Variants in RNF139 observed in about 807,000 individuals in gnomAD.
RNF139 encodes E3 ubiquitin-protein ligase RNF139.
RNF139 carries 15 observed loss-of-function variants against 49.5 expected under a neutral mutation model. The observed-to-expected ratio is 0.30, with a 90% CI of 0.20 to 0.47. The LOEUF is 0.47. Ranked by LOEUF, RNF139 falls within the 20% of genes least tolerant of loss-of-function variation. RNF139 has a pLI of 1.00. For missense variants in RNF139, 619 were observed against 806.3 expected, an observed-to-expected ratio of 0.77 and a Z score of 2.81; for synonymous variants, 325 against 300.9, an observed-to-expected ratio of 1.08 and a Z score of -0.83.
At chr8:124,480,842 A>G (rs1309101828) in intron 1 of RNF139, among the ~76,000 whole-genome samples, 1 of 150,846 alleles carries the variant, frequency 6.6e-6, no homozygotes, top group Non-Finnish European at 1.5e-5. Context: ...TTATTGTACA[A>G]AACAGTCATC....
chr8:124,487,440 T>C lies in RNF139; in HGVS notation c.1791T>C (p.Asp597=), dbSNP rs1307966956. ...TATACATCGAAGATGATATCAAGGA[T>C]AATTCAAATGTATCTAACAACAATG... is the stretch of plus-strand genomic sequence containing the variant. The part of the protein sequence containing the change: ...QKVYIEDDIK[D]NSNVSNNNGF... The change falls in exon 2 of 2, where the codon GAT becomes GAC. Residue 597 remains aspartate (D), a synonymous_variant. Coordinates refer to ENST00000303545, the MANE Select transcript of RNF139 (RefSeq NM_007218.4). The C allele has an allele frequency of 6.2e-7, 1 of 1,614,098 alleles. No homozygotes were observed.
At chr8:124,476,930 C>G (rs1045471325) in intron 1 of RNF139, among the ~76,000 whole-genome samples, 3 of 152,162 alleles carry the variant, frequency 2.0e-5, no homozygotes, top group African/African-American at 7.2e-5. Flanking sequence ...TTGTACTAGG[C>G]ATGTTTCTTT....
At position 124,487,857 on chromosome 8, in the gene RNF139, C is replaced by T. The variant is rs372989735; in HGVS notation, c.*213C>T. The stretch of plus-strand genomic sequence containing the variant: ...TTGGTGACCTGTTTAAATTTGTGTA[C>T]ATTATTGTACATAGAATAAAATGTT... On this transcript the variant is annotated 3_prime_UTR_variant, in exon 2 of 2. Transcript: ENST00000303545. 2.1e-6 allele frequency: 1 copy of T among 477,770 alleles called. No individual in the cohort carries two copies. Among genetic ancestry groups the T allele is most frequent in the South Asian group, 4.3e-5 (1 of 23,428 alleles). The allele number at this position is 477,770 out of a possible 1,614,324, so 29.6% of individuals were successfully genotyped here. A position where few individuals can be genotyped will look rare whatever the true frequency, so the allele number is the denominator to read the frequency against.
At position 124,487,571 on chromosome 8, in the gene RNF139, T is replaced by C; in HGVS notation, c.1922T>C (p.Val641Ala). ...GACAGTACAGATTGTGATGATGATG[T>C]TCAAAGAGAAAGAAATGGAGTGATT... ...EDDSTDCDDDVQRERNGVIQH... is the reference protein window; with the variant it reads ...EDDSTDCDDDAQRERNGVIQH... Residue 641 changes from valine (V) to alanine (A), a missense_variant, in exon 2 of 2, where the codon GTT (valine) becomes GCT (alanine). Physicochemically the swap from Val to Ala is moderately conservative, Grantham distance 64 (BLOSUM62 0). Transcript: ENST00000303545. The C allele has an allele frequency of 6.2e-7, 1 of 1,614,080 alleles. No homozygotes were observed. Among genetic ancestry groups the C allele is most frequent in the Non-Finnish European group, 8.5e-7 (1 of 1,179,972 alleles).
intron 1 of RNF139, 43 bp from the exon 2 acceptor site, chr8:124,485,788 T>A (rs1265522843): frequency 1.4e-6 from 2 of 1,477,908 alleles, no homozygotes; most frequent in East Asian, 4.6e-5. Flanking sequence ...GAAACATTCT[T>A]ACAAATACTT....
At chr8:124,483,126 A>AAATATATATATCTTT (rs1554601253) in intron 1 of RNF139, among the ~76,000 whole-genome samples, 1 of 108,038 alleles carries the variant, frequency 9.3e-6, no homozygotes, top group Non-Finnish European at 1.9e-5. Flanking sequence ...ATATATATTT[A>AAATATATATATCTTT]AAAGAGCCTG....
rs1453643883 is a variant in RNF139 at position 124,488,367 on chromosome 8, CA to C, written c.*727del. ...TCCTTTCATTCTTTTGAAGATATTACAAAACAAAAATAGTTTTTTTTAAATT... is the reference window on the plus strand; with the variant it reads ...TCCTTTCATTCTTTTGAAGATATTACAAACAAAAATAGTTTTTTTTAAATT... On this transcript the variant is annotated 3_prime_UTR_variant, in exon 2 of 2. Transcript: ENST00000303545. The C allele has an allele frequency of 1.3e-5, 4 of 314,060 alleles. No individual in the cohort carries two copies. Among genetic ancestry groups the C allele is most frequent in the South Asian group, 8.4e-5 (1 of 11,848 alleles). The allele number at this position is 314,060 out of a possible 1,614,324, so 19.5% of individuals were successfully genotyped here.
In RNF139 at chr8:124,488,359, A is replaced by AGAT. The variant is rs1333488131; in HGVS notation, c.*716_*718dup. On this transcript the variant is annotated 3_prime_UTR_variant, in exon 2 of 2. Coordinates refer to ENST00000303545, the MANE Select transcript of RNF139 (RefSeq NM_007218.4). ...TAAAATTGTCCTTTCATTCTTTTGA[A>AGAT]GATATTACAAAACAAAAATAGTTTT... 1 of 295,514 alleles carries AGAT rather than the reference A, an allele frequency of 3.4e-6. No homozygotes were observed. Among genetic ancestry groups the AGAT allele is most frequent in the Non-Finnish European group, 6.3e-6 (1 of 158,612 alleles). 18.3% of individuals were successfully genotyped at this position (295,514 alleles called of 1,614,324 possible). A position where few individuals can be genotyped will look rare whatever the true frequency, so the allele number is the denominator to read the frequency against.
chr8:124,475,346 C>A, intron 1 of RNF139, 56 bp downstream of exon 1: 1 of 1,557,214 alleles, frequency 6.4e-7, no homozygotes, highest in Non-Finnish European at 8.7e-7. Context: ...GAGACGTTCC[C>A]CGGGGAGCGG....
intron 1 of RNF139, 31 bp from the exon 2 acceptor site, chr8:124,485,796 CTTCA>C (rs1237658209): frequency 2.7e-6 from 4 of 1,502,208 alleles, no homozygotes; most frequent in East Asian, 2.3e-5. Context: ...CTTACAAATA[CTTCA>C]TTCAAATGAC....
At chr8:124,485,309 A>C (rs1816510006) in intron 1 of RNF139, among the ~76,000 whole-genome samples, 1 of 152,216 alleles carries the variant, frequency 6.6e-6, no homozygotes, top group Admixed American at 6.5e-5. Context: ...ATTTGCAGTG[A>C]GCTGAGATTG....
rs1816539169 is a variant in RNF139, at chr8:124,486,739, C to T, written c.1090C>T (p.Leu364=). Residue 364 remains leucine (L), a synonymous_variant, in exon 2 of 2, where the codon CTG becomes TTG. Coordinates refer to ENST00000303545, the MANE Select transcript of RNF139 (RefSeq NM_007218.4). ...CATGTGCCTTTTATTAACTGCAGTC[C>T]TGCATTTTATCCATGGAATGACAGA... ...RNMCLLLTAV[L]HFIHGMTDPV... is the part of the protein sequence containing the mutation. The T allele has an allele frequency of 6.2e-7, 1 of 1,613,936 alleles. No individual in the cohort carries two copies.
At chr8:124,483,156 TGGGGG>T in intron 1 of RNF139, among the ~76,000 whole-genome samples, 1 of 34,114 alleles carries the variant, frequency 2.9e-5, no homozygotes, top group Non-Finnish European at 7.7e-5. Flanking sequence ...CACAACTCTT[TGGGGG>T]ATTATTAGTG....
At position 124,486,802 on chromosome 8, in the gene RNF139, T is replaced by C; in HGVS notation, c.1153T>C (p.Ser385Pro). ...GTCTCTCAGTGCCTCTCATGTGTCA[T>C]CTTTTCGTAGACATTTTCCTGTGCT... ...LMSLSASHVS[S>P]FRRHFPVLFV... Residue 385 changes from serine (S) to proline (P), a missense_variant, in exon 2 of 2, where the codon TCT becomes CCT. Coordinates refer to ENST00000303545, the MANE Select transcript of RNF139 (RefSeq NM_007218.4). 4 of 1,613,962 alleles carry C rather than the reference T, an allele frequency of 2.5e-6. No individual in the cohort carries two copies. The highest frequency in any genetic ancestry group is 3.4e-6 in the Non-Finnish European group (4 of 1,180,016).
chr8:124,485,719 C>T (rs1816516667), intron 1 of RNF139, 112 bp from the exon 2 acceptor site: 1 of 962,094 alleles, frequency 1.0e-6, no homozygotes, highest in African/African-American at 1.6e-5. Context: ...GCTTAATGTT[C>T]ATAACTGAAA....
Position 124,475,029 on chromosome 8 carries a change from G to A in RNF139, c.-81G>A. 3 of 987,084 alleles carry A rather than the reference G, an allele frequency of 3.0e-6. No homozygotes were observed. Among genetic ancestry groups the A allele is most frequent in the Non-Finnish European group, 3.9e-6 (3 of 770,990 alleles). The allele number at this position is 987,084 out of a possible 1,614,324, so 61.1% of individuals were successfully genotyped here. On this transcript the variant is annotated 5_prime_UTR_variant, in exon 1 of 2. Transcript: ENST00000303545. ...GGCAGGGGCGGAGTTGCCCGCCTTA[G>A]CCCCCGCCCCCGGCCGCGGCCCCGG...
At chr8:124,475,428 T>C (rs1217049997) in intron 1 of RNF139, 138 bp downstream of exon 1, 2 of 880,932 alleles carry the variant, frequency 2.3e-6, no homozygotes, top group African/African-American at 3.4e-5. Context: ...AAGGGTCGTC[T>C]TTACGGGTTG....
intron 1 of RNF139, among the ~76,000 whole-genome samples, chr8:124,483,934 G>A (rs1193558015): frequency 6.6e-6 from 1 of 152,124 alleles, no homozygotes; most frequent in Admixed American, 6.5e-5. Flanking sequence ...GATGGACAGG[G>A]TAGGATCTTT....
intron 1 of RNF139, 28 bp downstream of exon 1, chr8:124,475,318 G>A (rs759521853): frequency 4.4e-6 from 7 of 1,589,154 alleles, no homozygotes; most frequent in Non-Finnish European, 6.0e-6. Flanking sequence ...CGTACGTCCC[G>A]GGACGGCTAT....
Sources: gnomAD v4.1 joint callset for allele counts (sites outside exome capture counted in the v4.1 genomes callset) on GRCh38, gnomAD v4.1.1 for gene constraint, MANE v1.5 for transcripts, NCBI Gene and HGNC (gene_info 2026-07-23, HGNC 2026-07-21) for gene names.